Variants in CFAP299 observed in about 807,000 individuals in gnomAD.
The protein encoded by CFAP299 is cilia- and flagella-associated protein 299.
CFAP299 carries 21 observed loss-of-function variants against 27.0 expected under a neutral mutation model. That is an observed-to-expected ratio of 0.78 (90% CI 0.55 to 1.12). CFAP299 has a LOEUF of 1.12. CFAP299 is among the 50% of genes most tolerant of loss of function. CFAP299 has a pLI of 0.00. For missense variants in CFAP299, 310 were observed against 276.6 expected (o/e 1.12, Z -0.86); for synonymous variants, 104 against 98.1 (o/e 1.06, Z -0.36).
intron 2 of CFAP299, among the ~76,000 whole-genome samples, chr4:80,463,941 A>G (rs991774397): frequency 6.6e-6 from 1 of 152,182 alleles, no homozygotes; most frequent in Non-Finnish European, 1.5e-5. Flanking sequence ...TTCATTATCC[A>G]CAAAAGTCTG....
intron 3 of CFAP299, among the ~76,000 whole-genome samples, chr4:80,799,158 T>TATACAATA (rs2110104621): frequency 7.9e-6 from 1 of 127,302 alleles, no homozygotes; most frequent in Admixed American, 9.8e-5. Context: ...TAAATATATT[T>TATACAATA]ATACAATATT....
intron 3 of CFAP299, among the ~76,000 whole-genome samples, chr4:80,728,924 T>A (rs1268868544): frequency 6.6e-6 from 1 of 152,206 alleles, no homozygotes; most frequent in African/African-American, 2.4e-5. Context: ...AATGATATCA[T>A]CAGTTTTTAA....
At chr4:80,860,729 C>T (rs1043585052) in intron 3 of CFAP299, among the ~76,000 whole-genome samples, 47 of 152,106 alleles carry the variant, frequency 3.1e-4, no homozygotes, top group Admixed American at 8.5e-4. Context: ...AGTGGTTTTT[C>T]ATGAACCGCG....
chr4:80,613,574 T>A (rs1039539620), intron 3 of CFAP299, among the ~76,000 whole-genome samples: 1 of 152,188 alleles, frequency 6.6e-6, no homozygotes, highest in South Asian at 2.1e-4. Flanking sequence ...AAATTTCAGC[T>A]GACTTTTATG....
intron 5 of CFAP299, 37 bp from the exon 6 acceptor site, chr4:80,963,480 T>C (rs747989643): frequency 1.1e-5 from 15 of 1,419,536 alleles, no homozygotes; most frequent in Non-Finnish European, 8.7e-6. Flanking sequence ...CAAGTATTTT[T>C]ATAGACTTGA....
At chr4:80,768,591 T>C (rs576361021) in intron 3 of CFAP299, among the ~76,000 whole-genome samples, 2 of 152,210 alleles carry the variant, frequency 1.3e-5, no homozygotes, top group Admixed American at 6.5e-5. Flanking sequence ...CCTATTCTCA[T>C]TGATTTGCCA....
chr4:80,859,374 T>C (rs1181177922), intron 3 of CFAP299, among the ~76,000 whole-genome samples: 4 of 152,200 alleles, frequency 2.6e-5, no homozygotes, highest in Admixed American at 2.6e-4. Flanking sequence ...AATTTGCCAG[T>C]CTGTGTCTTT....
At chr4:80,799,802 A>G (rs1166655618) in intron 3 of CFAP299, among the ~76,000 whole-genome samples, 7 of 28,566 alleles carry the variant, frequency 2.5e-4, no homozygotes, top group East Asian at 2.0e-3. Context: ...TATATTATAT[A>G]ATATATAAAT....
Position 80,524,317 on chromosome 4 carries a change from G to A in CFAP299, c.243-58776G>A, listed in dbSNP as rs957739597. On this transcript the variant is annotated intron_variant, in intron 2 of 5. Transcript: ENST00000358105. Reference sequence around the variant, plus strand: ...ATACATCACCTACATACAAATTAAGGGGTTTATGTAACTAGCCCAGAGTTT... The same window carrying A: ...ATACATCACCTACATACAAATTAAGAGGTTTATGTAACTAGCCCAGAGTTT... Among the ~76,000 whole-genome samples the A allele has an allele frequency of 8.6e-5, 13 of 151,866 alleles. No homozygotes were observed. In the East Asian group the frequency reaches 2.5e-3, roughly 29 times the overall value.
At chr4:80,475,626 T>C (rs1296720824) in intron 2 of CFAP299, among the ~76,000 whole-genome samples, 15 of 152,224 alleles carry the variant, frequency 9.9e-5, no homozygotes, top group Admixed American at 9.8e-4. Flanking sequence ...CTTTTCGATA[T>C]GTTAAAACCA....
At chr4:80,835,248 C>T (rs1022284829) in intron 3 of CFAP299, among the ~76,000 whole-genome samples, 2 of 151,968 alleles carry the variant, frequency 1.3e-5, no homozygotes, top group Admixed American at 6.6e-5. Flanking sequence ...TACAGGCGCC[C>T]GTCACCACGC....
chr4:80,899,441 G>T (rs1734775149), intron 4 of CFAP299, among the ~76,000 whole-genome samples: 1 of 152,090 alleles, frequency 6.6e-6, no homozygotes, highest in African/African-American at 2.4e-5. Flanking sequence ...AAAGAACCCA[G>T]AAAATGAATC....
intron 4 of CFAP299, among the ~76,000 whole-genome samples, chr4:80,939,548 T>C (rs903497242): frequency 6.6e-6 from 1 of 152,202 alleles, no homozygotes; most frequent in African/African-American, 2.4e-5. Context: ...GTTTATGTAC[T>C]GCTTTTCTGA....
In CFAP299 at chr4:80,675,413, A is replaced by T. The variant is rs561511693; in HGVS notation, c.333+92230A>T. The stretch of plus-strand genomic sequence containing the variant: ...TATTGCTGCCAGATCCTTCCTCTGG[A>T]AGCTTCCTCCCAGAGGGGCACCCAC... On this transcript the variant is annotated intron_variant, in intron 3 of 5. Coordinates refer to ENST00000358105, the MANE Select transcript of CFAP299 (RefSeq NM_152770.3). 4.6e-5 allele frequency among the ~76,000 whole-genome samples: 7 copies of T among 152,238 alleles called. No homozygotes were observed. The East Asian group carries it at 1.4e-3, about 29-fold the overall frequency.
At chr4:80,329,411 T>A in the CFAP299 span, among the ~76,000 whole-genome samples, 1 of 152,044 alleles carries the variant, frequency 6.6e-6, no homozygotes, top group Non-Finnish European at 1.5e-5. Flanking sequence ...TATTTTTTGG[T>A]TGCACTCTCA....
chr4:80,766,100 G>GA (rs1377134011), intron 3 of CFAP299, among the ~76,000 whole-genome samples: 1 of 151,988 alleles, frequency 6.6e-6, no homozygotes, highest in Non-Finnish European at 1.5e-5. Flanking sequence ...CAGGATAAAT[G>GA]AAAATAAGCT....
At chr4:80,661,564 A>T (rs76557377) in intron 3 of CFAP299, among the ~76,000 whole-genome samples, 1 of 152,154 alleles carries the variant, frequency 6.6e-6, no homozygotes, top group East Asian at 1.9e-4. Flanking sequence ...TCCTATGCCT[A>T]TCTTTACGTT....
At chr4:80,724,705 A>G (rs1723044180) in intron 3 of CFAP299, among the ~76,000 whole-genome samples, 2 of 151,874 alleles carry the variant, frequency 1.3e-5, no homozygotes, top group African/African-American at 2.4e-5. Context: ...TCCATTGCCC[A>G]CCCTTGATAC....
intron 4 of CFAP299, among the ~76,000 whole-genome samples, chr4:80,900,217 GAA>G (rs1734820399): frequency 6.6e-6 from 1 of 150,890 alleles, no homozygotes; most frequent in Non-Finnish European, 1.5e-5. Flanking sequence ...TGAGAACTAA[GAA>G]AGAGGTTTAT....
Sources: gnomAD v4.1 joint callset for allele counts (sites outside exome capture counted in the v4.1 genomes callset) on GRCh38, gnomAD v4.1.1 for gene constraint, MANE v1.5 for transcripts, NCBI Gene and HGNC (gene_info 2026-07-23, HGNC 2026-07-21) for gene names.